GALNT13: variants seen among roughly 807,000 people sequenced by gnomAD.
GALNT13 encodes UDP-GalNAc:polypeptide N-acetylgalactosaminyltransferase 13.
A neutral mutation model predicts 64.2 loss-of-function variants in GALNT13; 28 were observed. That is an observed-to-expected ratio of 0.44 (90% CI 0.32 to 0.60). The LOEUF (loss-of-function observed/expected upper bound fraction) is 0.60. Ranked by LOEUF, GALNT13 falls within the 20% of genes least tolerant of loss-of-function variation. GALNT13 has a pLI of 0.05. For missense variants in GALNT13, 577 were observed against 669.8 expected (o/e 0.86, Z 1.53); for synonymous variants, 214 against 224.6 (o/e 0.95, Z 0.42).
chr2:153,259,831 C>T, the GALNT13 span, among the ~76,000 whole-genome samples: 6 of 152,064 alleles, frequency 3.9e-5, no homozygotes, highest in African/African-American at 4.8e-5. Flanking sequence ...ATACTTGCCA[C>T]GTTGTTATTT....
intron 9 of GALNT13, among the ~76,000 whole-genome samples, chr2:154,314,211 A>G (rs1419090679): frequency 6.6e-6 from 1 of 152,176 alleles, no homozygotes; most frequent in East Asian, 1.9e-4. Context: ...GTTAAATCTA[A>G]GGTAACTAAA....
the GALNT13 span, among the ~76,000 whole-genome samples, chr2:153,628,128 A>G: frequency 6.6e-6 from 1 of 151,980 alleles, no homozygotes; most frequent in Non-Finnish European, 1.5e-5. Context: ...ATGGGATTTC[A>G]CTCATGATTT....
intron 3 of GALNT13, among the ~76,000 whole-genome samples, chr2:153,962,813 G>A (rs1693035117): frequency 6.6e-6 from 1 of 152,080 alleles, no homozygotes; most frequent in Non-Finnish European, 1.5e-5. Flanking sequence ...TCCACTTGAG[G>A]CCTGATAACC....
At chr2:153,655,307 T>C in the GALNT13 span, among the ~76,000 whole-genome samples, 3 of 152,254 alleles carry the variant, frequency 2.0e-5, no homozygotes, top group East Asian at 5.8e-4. Context: ...GATAATTTCA[T>C]CATTTTTAAA....
chr2:153,654,750 G>C, the GALNT13 span, among the ~76,000 whole-genome samples: 1 of 151,978 alleles, frequency 6.6e-6, no homozygotes, highest in African/African-American at 2.4e-5. Context: ...AAAATATCCA[G>C]GAGCATGTTT....
At chr2:154,414,452 A>C (rs939296619) in intron 11 of GALNT13, among the ~76,000 whole-genome samples, 1 of 151,828 alleles carries the variant, frequency 6.6e-6, no homozygotes. Context: ...ATTTGCATTG[A>C]TTTCCAACCA....
At chr2:153,293,793 CTGTGTG>C in the GALNT13 span, among the ~76,000 whole-genome samples, 66 of 32,716 alleles carry the variant, frequency 2.0e-3, 1 homozygote, top group South Asian at 0.01. Context: ...GTGTGTGTGT[CTGTGTG>C]TGTGTGTGTG....
At chr2:153,223,487 A>G in the GALNT13 span, among the ~76,000 whole-genome samples, 3 of 152,224 alleles carry the variant, frequency 2.0e-5, no homozygotes, top group African/African-American at 7.2e-5. Context: ...GTATGTTATG[A>G]TACCACAATG....
rs1463906389 is a variant in GALNT13 at position 154,446,722 on chromosome 2, T to C, written c.1531-3689T>C. 3.2e-6 allele frequency: 5 copies of C among 1,544,408 alleles called. No homozygotes were observed. In the East Asian group the frequency reaches 1.2e-4, roughly 38 times the overall value. On this transcript the variant is annotated intron_variant, in intron 12 of 12. Coordinates refer to ENST00000392825, the MANE Select transcript of GALNT13 (RefSeq NM_052917.4). ...ACAAGAATGGAAATTTTTAGAAATA[T>C]TTTTGGGAATTCTACTGATTACATT...
In GALNT13 at chr2:154,085,446, T is replaced by A. The variant is rs372948393; in HGVS notation, c.143-54891T>A. 2.0e-5 allele frequency among the ~76,000 whole-genome samples: 3 copies of A among 151,972 alleles called. No homozygotes were observed. In the East Asian group the frequency reaches 5.8e-4, roughly 30 times the overall value. The stretch of plus-strand genomic sequence containing the variant: ...GATAATTACATCCAAATGCACAAAT[T>A]GGGGAAAACACAGAGAAGCTTCATT... On this transcript the variant is annotated intron_variant, in intron 3 of 12. Transcript: ENST00000392825.
At chr2:153,597,695 A>G in the GALNT13 span, among the ~76,000 whole-genome samples, 1 of 152,128 alleles carries the variant, frequency 6.6e-6, no homozygotes, top group Non-Finnish European at 1.5e-5. Context: ...AAAAGACAGA[A>G]TGGGAGAAAA....
At chr2:153,192,306 G>A in the GALNT13 span, among the ~76,000 whole-genome samples, 2 of 151,970 alleles carry the variant, frequency 1.3e-5, no homozygotes, top group Non-Finnish European at 2.9e-5. Context: ...GTGGTTGTTC[G>A]GGAGTATGTT....
At chr2:154,335,269 T>A (rs57838369) in intron 9 of GALNT13, among the ~76,000 whole-genome samples, 2,527 of 152,076 alleles carry the variant, frequency 0.017, 62 homozygotes, top group African/African-American at 0.051. Context: ...GCAAAAGGCA[T>A]TATTAATATA....
chr2:153,508,861 T>C, the GALNT13 span, among the ~76,000 whole-genome samples: 4 of 152,310 alleles, frequency 2.6e-5, no homozygotes, highest in Non-Finnish European at 5.9e-5. Context: ...ATCTGCCATC[T>C]TCCCCCCTAT....
the GALNT13 span, among the ~76,000 whole-genome samples, chr2:153,249,580 G>A: frequency 6.6e-6 from 1 of 152,098 alleles, no homozygotes; most frequent in African/African-American, 2.4e-5. Flanking sequence ...ACAATGTTAA[G>A]CAAAAAGAAC....
intron 4 of GALNT13, among the ~76,000 whole-genome samples, chr2:154,149,963 T>C (rs1015668503): frequency 6.6e-6 from 1 of 152,190 alleles, no homozygotes; most frequent in Non-Finnish European, 1.5e-5. Context: ...TCCAACACTA[T>C]GTTGAATAGG....
At chr2:153,151,916 C>T in the GALNT13 span, among the ~76,000 whole-genome samples, 8 of 151,958 alleles carry the variant, frequency 5.3e-5, no homozygotes, top group African/African-American at 1.4e-4. Context: ...ACCAACATGG[C>T]ACATGTATAC....
the GALNT13 span, among the ~76,000 whole-genome samples, chr2:153,142,468 C>T: frequency 2.6e-5 from 4 of 151,996 alleles, no homozygotes; most frequent in Non-Finnish European, 5.9e-5. Context: ...TGGTCAGGCT[C>T]AGTTCAGGAA....
the GALNT13 span, among the ~76,000 whole-genome samples, chr2:153,596,866 A>G: frequency 3.3e-5 from 5 of 152,098 alleles, no homozygotes; most frequent in African/African-American, 1.2e-4. Flanking sequence ...ATTGAAATCT[A>G]ATTATTTCAA....
Sources: allele counts gnomAD v4.1 joint callset (sites outside exome capture counted in the v4.1 genomes callset), GRCh38; gene constraint gnomAD v4.1.1; transcripts MANE v1.5; gene names NCBI Gene and HGNC (gene_info 2026-07-23, HGNC 2026-07-21).